The following ADGRB3 variants were observed in gnomAD, a reference collection of about 807,000 sequenced individuals.
The protein encoded by ADGRB3 is adhesion G protein-coupled receptor B3.
ADGRB3 carries 37 observed loss-of-function variants against 193.4 expected under a neutral mutation model. The observed-to-expected ratio is 0.19, with a 90% CI of 0.15 to 0.25. The LOEUF (loss-of-function observed/expected upper bound fraction) is 0.25, where lower values mean the gene tolerates loss of function less well. Among genes scored for constraint, ADGRB3 ranks in the 10% least tolerant of loss-of-function variants. The probability of loss-of-function intolerance (pLI) is 1.00; values close to 1 mark genes in which losing one functional copy is unlikely to be tolerated. For synonymous variants in ADGRB3, 690 were observed against 644.2 expected (o/e 1.07, Z -1.08); for missense variants, 1,637 against 1,852.9 (o/e 0.88, Z 2.14).
chr6:68,784,645 G>A (rs1305192004), intron 3 of ADGRB3, among the ~76,000 whole-genome samples: 1 of 151,998 alleles, frequency 6.6e-6, no homozygotes, highest in African/African-American at 2.4e-5. Flanking sequence ...TTTTATATGA[G>A]CTTTAAACTT....
rs543125233 is a variant in ADGRB3 at position 69,112,264 on chromosome 6, G to C, written c.2480+36226G>C. 1.2e-4 allele frequency among the ~76,000 whole-genome samples: 19 copies of C among 152,228 alleles called. No individual in the cohort carries two copies. The South Asian group carries it at 3.9e-3, about 32-fold the overall frequency. On this transcript the variant is annotated intron_variant, in intron 17 of 31. Transcript: ENST00000370598. ...TGGATCCAAGACAGATGTTCCACCT[G>C]TCACCCTTTGCCAGCCAGCAGAAAA...
chr6:68,985,024 A>G (rs1440736716), intron 10 of ADGRB3, among the ~76,000 whole-genome samples: 2 of 152,138 alleles, frequency 1.3e-5, no homozygotes, highest in African/African-American at 4.8e-5. Context: ...AAGGTTGAAA[A>G]TAAGCCTATT....
chr6:69,293,048 C>T (rs1767724952), intron 20 of ADGRB3, among the ~76,000 whole-genome samples: 1 of 152,208 alleles, frequency 6.6e-6, no homozygotes, highest in Non-Finnish European at 1.5e-5. Flanking sequence ...GGGTCTATCT[C>T]CTACTGCATG....
intron 13 of ADGRB3, among the ~76,000 whole-genome samples, chr6:69,024,264 G>A (rs1033809122): frequency 3.3e-5 from 5 of 152,124 alleles, no homozygotes; most frequent in Admixed American, 6.5e-5. Flanking sequence ...TGGAGAGAAC[G>A]TTTCAAATTG....
chr6:69,188,232 C>T (rs573709632), intron 17 of ADGRB3, among the ~76,000 whole-genome samples: 1 of 152,080 alleles, frequency 6.6e-6, no homozygotes, highest in Non-Finnish European at 1.5e-5. Flanking sequence ...GGGAAAAGGA[C>T]TATTCTCCAT....
chr6:68,892,120 C>A (rs1766095329), intron 3 of ADGRB3, among the ~76,000 whole-genome samples: 1 of 152,172 alleles, frequency 6.6e-6, no homozygotes, highest in Non-Finnish European at 1.5e-5. Context: ...TTGATAAATG[C>A]AGCTATAGAG....
At chr6:69,375,776 C>T (rs1379417943) in intron 30 of ADGRB3, among the ~76,000 whole-genome samples, 1 of 151,964 alleles carries the variant, frequency 6.6e-6, no homozygotes, top group Non-Finnish European at 1.5e-5. Flanking sequence ...AACCCCATCT[C>T]TACTGAAAAT....
intron 13 of ADGRB3, among the ~76,000 whole-genome samples, chr6:69,030,993 T>TTTCTTTTCTTTTCTTTTCTTTTCTC (rs1770637542): frequency 8.1e-6 from 1 of 123,496 alleles, no homozygotes; most frequent in African/African-American, 3.4e-5. Context: ...TTTCTTTTCT[T>TTTCTTTTCTTTTCTTTTCTTTTCTC]TCTTTTCCTT....
intron 3 of ADGRB3, among the ~76,000 whole-genome samples, chr6:68,853,406 CA>C (rs1345406109): frequency 2.0e-5 from 3 of 151,944 alleles, no homozygotes; most frequent in African/African-American, 7.2e-5. Flanking sequence ...CATTTTGTGG[CA>C]AACCATTTAA....
At chr6:68,925,494 G>T (rs1767154773) in intron 3 of ADGRB3, among the ~76,000 whole-genome samples, 1 of 151,942 alleles carries the variant, frequency 6.6e-6, no homozygotes, top group Non-Finnish European at 1.5e-5. Context: ...CCAGTCAGAT[G>T]ATGGAATCTT....
At chr6:68,709,778 G>T (rs1765380419) in intron 3 of ADGRB3, among the ~76,000 whole-genome samples, 1 of 152,038 alleles carries the variant, frequency 6.6e-6, no homozygotes, top group Non-Finnish European at 1.5e-5. Context: ...TATGCAAAAG[G>T]ACGTTTCTGT....
chr6:69,198,427 G>A (rs1331048097), intron 17 of ADGRB3, among the ~76,000 whole-genome samples: 1 of 152,066 alleles, frequency 6.6e-6, no homozygotes, highest in Non-Finnish European at 1.5e-5. Context: ...TAACTAGTCT[G>A]AAGAAAAAGT....
intron 3 of ADGRB3, among the ~76,000 whole-genome samples, chr6:68,713,061 G>A (rs575349534): frequency 6.6e-6 from 1 of 151,870 alleles, no homozygotes; most frequent in Admixed American, 6.6e-5. Flanking sequence ...AATAGCTGAA[G>A]GTTATACTTT....
intron 20 of ADGRB3, among the ~76,000 whole-genome samples, chr6:69,275,695 TA>T (rs113466471): frequency 0.02 from 3,045 of 149,664 alleles, 49 homozygotes; most frequent in Middle Eastern, 0.07. Flanking sequence ...GGACATAATA[TA>T]AAAAAAAAAC....
At chr6:69,375,236 T>G (rs1473622649) in intron 30 of ADGRB3, among the ~76,000 whole-genome samples, 3 of 152,144 alleles carry the variant, frequency 2.0e-5, no homozygotes, top group African/African-American at 7.2e-5. Context: ...AGAATGATTT[T>G]TTATACTCTA....
At chr6:69,031,374 G>A (rs952484445) in intron 13 of ADGRB3, among the ~76,000 whole-genome samples, 1 of 149,780 alleles carries the variant, frequency 6.7e-6, no homozygotes, top group African/African-American at 2.5e-5. Context: ...CCGGGATGCA[G>A]AGCTTGCAGT....
intron 3 of ADGRB3, among the ~76,000 whole-genome samples, chr6:68,653,990 T>A (rs952645843): frequency 1.1e-4 from 17 of 152,032 alleles, no homozygotes; most frequent in Non-Finnish European, 1.8e-4. Flanking sequence ...GGTCTATAGG[T>A]TGGACATTGA....
chr6:68,907,983 T>C (rs1426721717), intron 3 of ADGRB3, among the ~76,000 whole-genome samples: 3 of 151,998 alleles, frequency 2.0e-5, no homozygotes, highest in Admixed American at 2.0e-4. Context: ...TTTCTATTTC[T>C]TCTTTATTGA....
At position 69,026,511 on chromosome 6, in the gene ADGRB3, G is replaced by A. The variant is rs948256388; in HGVS notation, c.2107+8012G>A. On this transcript the variant is annotated intron_variant, in intron 13 of 31. Transcript: ENST00000370598. Reference sequence around the variant, plus strand: ...AGTGGGAGGAAATGAAGTCAGAAAGGGAGAGGGAAGTGAAGCTAAAAGGTA... The same window carrying A: ...AGTGGGAGGAAATGAAGTCAGAAAGAGAGAGGGAAGTGAAGCTAAAAGGTA... 2.6e-5 allele frequency among the ~76,000 whole-genome samples: 4 copies of A among 152,284 alleles called. No individual in the cohort carries two copies. The East Asian group carries it at 7.7e-4, about 29-fold the overall frequency.
Sources: gnomAD v4.1 joint callset for allele counts (sites outside exome capture counted in the v4.1 genomes callset) on GRCh38, gnomAD v4.1.1 for gene constraint, MANE v1.5 for transcripts, NCBI Gene and HGNC (gene_info 2026-07-23, HGNC 2026-07-21) for gene names.